Variants in GFM1 observed in about 807,000 individuals in gnomAD.
GFM1 encodes G elongation factor mitochondrial 1.
Under a neutral mutation model 96.2 loss-of-function variants are expected in GFM1, and 62 were observed. That is an observed-to-expected ratio of 0.64 (90% confidence interval 0.53 to 0.80). The LOEUF is 0.80. Among genes scored for constraint, GFM1 ranks in the 30% least tolerant of loss-of-function variants. The pLI is 0.00. For synonymous variants in GFM1, 282 were observed against 312.9 expected (o/e 0.90, Z 1.04); for missense variants, 852 against 916.6 (o/e 0.93, Z 0.91).
chr3:158,687,383 C>A (rs1317688923), intron 15 of GFM1, among the ~76,000 whole-genome samples: 8 of 152,050 alleles, frequency 5.3e-5, no homozygotes, highest in African/African-American at 1.9e-4. Context: ...AGTTACATTG[C>A]TGTTTCTTCA....
In GFM1 at chr3:158,691,630, G is replaced by A. The variant is rs546441845; in HGVS notation, c.*163G>A. ...AAGCCCTTCTTGTTCATATTCAGGA[G>A]CTTCTGTTATATTCAAAGGTAATTC... On this transcript the variant is annotated 3_prime_UTR_variant, in exon 18 of 18. Coordinates refer to ENST00000486715, the MANE Select transcript of GFM1 (RefSeq NM_024996.7). 5.4e-5 allele frequency: 36 copies of A among 663,376 alleles called. No individual in the cohort carries two copies. The African/African-American group carries it at 6.4e-4, about 12-fold the overall frequency. The allele number at this position is 663,376 out of a possible 1,614,324, so 41.1% of individuals were successfully genotyped here.
At chr3:158,690,043 A>G (rs1052661278) in intron 15 of GFM1, 120 bp from the exon 16 acceptor site, 1 of 836,224 alleles carries the variant, frequency 1.2e-6, no homozygotes, top group African/African-American at 1.7e-5. Context: ...CGAATATTTT[A>G]ACCTTGCCGT....
chr3:158,688,337 G>A (rs1726038456), intron 15 of GFM1, among the ~76,000 whole-genome samples: 1 of 152,174 alleles, frequency 6.6e-6, no homozygotes, highest in Admixed American at 6.5e-5. Context: ...GAAGGCATGT[G>A]TAAGGGTAAG....
At chr3:158,665,565 A>G in intron 12 of GFM1, 91 bp downstream of exon 12, 1 of 1,156,924 alleles carries the variant, frequency 8.6e-7, no homozygotes, top group South Asian at 1.3e-5. Context: ...GTCTGTAACT[A>G]ACTCTGGTTC....
At chr3:158,672,259 G>A (rs967107257) in intron 13 of GFM1, 4 of 1,510,910 alleles carry the variant, frequency 2.6e-6, no homozygotes, top group Non-Finnish European at 3.6e-6. Context: ...GGGTGGCACG[G>A]AGTGTCTGCA....
intron 13 of GFM1, among the ~76,000 whole-genome samples, chr3:158,675,180 G>A (rs966704018): frequency 6.6e-6 from 1 of 151,046 alleles, no homozygotes; most frequent in South Asian, 2.1e-4. Context: ...CCAGCTACTC[G>A]GGAGGCTGAG....
chr3:158,670,456 C>A (rs561735945), intron 13 of GFM1, among the ~76,000 whole-genome samples: 1 of 152,144 alleles, frequency 6.6e-6, no homozygotes, highest in Non-Finnish European at 1.5e-5. Flanking sequence ...GAGTATGTAA[C>A]TTCTTAAGAA....
rs1386253340 is a variant in GFM1 at position 158,690,202 on chromosome 3, T to C, written c.1949T>C (p.Met650Thr). The C allele has an allele frequency of 6.2e-6, 10 of 1,613,814 alleles. No individual in the cohort carries two copies. Among genetic ancestry groups the C allele is most frequent in the African/African-American group, 1.3e-5 (1 of 74,912 alleles). The part of the protein sequence containing the change: ...NATLCILEPI[M>T]AVEVVAPNEF... ...ACATTATGTATTCTTGAACCTATTA[T>C]GGCTGTGGAAGTTGTAGCTCCAAAT... Residue 650 changes from methionine to threonine, a missense_variant, in exon 16 of 18, where the codon ATG becomes ACG. Physicochemically the swap from Met to Thr is moderately conservative, Grantham distance 81. Coordinates refer to ENST00000486715, the MANE Select transcript of GFM1 (RefSeq NM_024996.7).
chr3:158,683,889 C>T (rs892617358), intron 14 of GFM1, among the ~76,000 whole-genome samples: 2 of 151,950 alleles, frequency 1.3e-5, no homozygotes, highest in Non-Finnish European at 2.9e-5. Flanking sequence ...CTAAATGCCA[C>T]GATAATAAAA....
chr3:158,689,976 T>C (rs541357470), intron 15 of GFM1, among the ~76,000 whole-genome samples, 187 bp from the exon 16 acceptor site: 3 of 152,282 alleles, frequency 2.0e-5, no homozygotes, highest in African/African-American at 7.2e-5. Context: ...AAATTAAATG[T>C]TGGAATTTCC....
chr3:158,651,320 G>A (rs969343326), intron 5 of GFM1, among the ~76,000 whole-genome samples: 4 of 152,120 alleles, frequency 2.6e-5, no homozygotes, highest in Admixed American at 1.3e-4. Context: ...TTGTTATGTT[G>A]TGATTAATAA....
At position 158,664,573 on chromosome 3, in the gene GFM1, G is replaced by C. The variant is rs888970179; in HGVS notation, c.1381-764G>C. ...CTGGTTAAGTCCCTTTCTTGCTTCA[G>C]ATATCTCCTGCCACTTCTTCCTTCA... On this transcript the variant is annotated intron_variant, in intron 11 of 17. Transcript: ENST00000486715. 1.7e-4 allele frequency among the ~76,000 whole-genome samples: 26 copies of C among 152,056 alleles called. 1 individual carries two copies. The highest frequency in any genetic ancestry group is 6.2e-4 in the South Asian group (3 of 4,818).
intron 7 of GFM1, among the ~76,000 whole-genome samples, chr3:158,653,691 C>G (rs563970256): frequency 1.8e-3 from 266 of 151,478 alleles, no homozygotes; most frequent in Non-Finnish European, 2.7e-3. Flanking sequence ...TTGTTTTACT[C>G]TCTCTCAAGG....
Position 158,673,693 on chromosome 3 carries a change from A to G in GFM1, c.1601+7307A>G, listed in dbSNP as rs150272625. ...TGCCCGGCTAGTTTTTTGTATTTTT[A>G]GTAGAGACGGGTTTAGGCTAGGCTG... On this transcript the variant is annotated intron_variant, in intron 13 of 17. Transcript: ENST00000486715. Among the ~76,000 whole-genome samples, 560 of 151,442 alleles carry G rather than the reference A, an allele frequency of 3.7e-3. 3 individuals carry two copies. The highest frequency in any genetic ancestry group is 0.013 in the African/African-American group (543 of 41,294).
chr3:158,646,710 C>T (rs1225591606), intron 3 of GFM1, 33 bp from the exon 4 acceptor site: 2 of 1,573,178 alleles, frequency 1.3e-6, no homozygotes, highest in Admixed American at 1.8e-5. Flanking sequence ...TCAGATTGCT[C>T]TTTAAGACCC....
At chr3:158,689,359 G>A (rs1726117173) in intron 15 of GFM1, among the ~76,000 whole-genome samples, 1 of 152,078 alleles carries the variant, frequency 6.6e-6, no homozygotes, top group Non-Finnish European at 1.5e-5. Context: ...GCTTCTTTGA[G>A]GTAGAGCAAA....
In GFM1 at chr3:158,691,451, G is replaced by A. The variant is rs1472877853; in HGVS notation, c.2240G>A (p.Gly747Glu). 6.2e-7 allele frequency: 1 copy of A among 1,613,620 alleles called. No individual in the cohort carries two copies. Among genetic ancestry groups the A allele is most frequent in the Admixed American group, 1.7e-5 (1 of 59,996 alleles). The part of the protein sequence containing the change: ...EATGQLPVKK[G>E]KAKN ...ACAGGTCAACTTCCTGTTAAAAAAG[G>A]AAAAGCCAAGAACTAACTTTGCTTA... Residue 747 changes from glycine to glutamate, a missense_variant, in exon 18 of 18, where the codon GGA becomes GAA. By Grantham distance (98) the Gly-to-Glu change is moderately conservative (BLOSUM62 -2). Coordinates refer to ENST00000486715, the MANE Select transcript of GFM1 (RefSeq NM_024996.7).
chr3:158,679,178 C>T (rs1209804952), intron 13 of GFM1, among the ~76,000 whole-genome samples: 2 of 152,156 alleles, frequency 1.3e-5, no homozygotes, highest in African/African-American at 4.8e-5. Context: ...TTTAGCAATA[C>T]AGTATTTTTA....
Position 158,662,613 on chromosome 3 carries a change from T to C in GFM1, c.1324-15T>C, listed in dbSNP as rs375168014. On this transcript the variant is annotated splice_polypyrimidine_tract_variant and intron_variant, in intron 10 of 17. Coordinates refer to ENST00000486715, the MANE Select transcript of GFM1 (RefSeq NM_024996.7). ...GTTTTTTAATTCTTCTGTTTTCTTT[T>C]AAAAAATATTTTAGGAGTCAATTCA... The C allele has an allele frequency of 1.3e-6, 2 of 1,536,042 alleles. No individual in the cohort carries two copies. Among genetic ancestry groups the C allele is most frequent in the Non-Finnish European group, 1.8e-6 (2 of 1,110,116 alleles).
Sources: gnomAD v4.1 joint callset for allele counts (sites outside exome capture counted in the v4.1 genomes callset) on GRCh38, gnomAD v4.1.1 for gene constraint, MANE v1.5 for transcripts, NCBI Gene and HGNC (gene_info 2026-07-23, HGNC 2026-07-21) for gene names.